NCAM1: variants seen among roughly 807,000 people sequenced by gnomAD.
NCAM1 encodes the protein neural cell adhesion molecule 1.
NCAM1 carries 14 observed loss-of-function variants against 109.8 expected under a neutral mutation model. That is an observed-to-expected ratio of 0.13 (90% CI 0.08 to 0.20). NCAM1 has a LOEUF of 0.20. Among genes scored for constraint, NCAM1 ranks in the 10% least tolerant of loss-of-function variants. NCAM1 has a pLI of 1.00. For missense variants in NCAM1, 774 were observed against 1,109.9 expected (o/e 0.70, Z 4.30); for synonymous variants, 418 against 442.9 (o/e 0.94, Z 0.70).
chr11:112,982,104 G>A (rs1436081625), intron 1 of NCAM1, among the ~76,000 whole-genome samples: 1 of 151,834 alleles, frequency 6.6e-6, no homozygotes, highest in Non-Finnish European at 1.5e-5. Context: ...TTTATGTGGT[G>A]GTTTTGTCCG....
intron 1 of NCAM1, among the ~76,000 whole-genome samples, chr11:112,995,571 T>G (rs1446673935): frequency 2.3e-4 from 35 of 152,350 alleles, no homozygotes; most frequent in Non-Finnish European, 2.9e-5. Flanking sequence ...TTGTAAGCTG[T>G]GCTATTTTGA....
intron 1 of NCAM1, among the ~76,000 whole-genome samples, chr11:113,058,720 A>T (rs1555082996): frequency 6.6e-6 from 1 of 152,078 alleles, no homozygotes; most frequent in Non-Finnish European, 1.5e-5. Flanking sequence ...TCGCTTGTCC[A>T]TTTCTGCTTC....
chr11:112,984,525 G>GC (rs1951242602), intron 1 of NCAM1, among the ~76,000 whole-genome samples: 1 of 151,722 alleles, frequency 6.6e-6, no homozygotes. Flanking sequence ...AGTGTACAAG[G>GC]GTTCCCATTT....
intron 1 of NCAM1, among the ~76,000 whole-genome samples, chr11:113,123,532 G>C (rs1033708487): frequency 2.0e-5 from 3 of 152,140 alleles, no homozygotes; most frequent in Non-Finnish European, 4.4e-5. Flanking sequence ...CGGAGATAGT[G>C]TCTCTCACAC....
At chr11:113,107,051 TGATGAA>T (rs1276463919) in intron 1 of NCAM1, among the ~76,000 whole-genome samples, 1 of 152,230 alleles carries the variant, frequency 6.6e-6, no homozygotes, top group Non-Finnish European at 1.5e-5. Context: ...GAATATTTAA[TGATGAA>T]GATGAGGATT....
intron 1 of NCAM1, among the ~76,000 whole-genome samples, chr11:113,116,639 C>T (rs563119411): frequency 2.6e-4 from 40 of 152,170 alleles, no homozygotes; most frequent in Non-Finnish European, 5.0e-4. Flanking sequence ...CATTAGTCTG[C>T]TCATTTCAAA....
At chr11:113,135,941 C>T (rs1941580741) in intron 1 of NCAM1, among the ~76,000 whole-genome samples, 1 of 152,176 alleles carries the variant, frequency 6.6e-6, no homozygotes, top group African/African-American at 2.4e-5. Context: ...GTTTCATTTA[C>T]TTTTACATTA....
intron 1 of NCAM1, chr11:113,003,864 A>C (rs1187688479): frequency 2.0e-5 from 3 of 152,154 alleles, no homozygotes; most frequent in Non-Finnish European, 4.4e-5. Context: ...TCTGTTCGTA[A>C]ATTTGTCCAC....
At chr11:113,166,004 C>CT (rs111542009) in intron 1 of NCAM1, among the ~76,000 whole-genome samples, 32,036 of 151,006 alleles carry the variant, frequency 0.21, 4,284 homozygotes, top group African/African-American at 0.37. Context: ...TTTATTTTTA[C>CT]TTATTTTTAG....
chr11:113,164,420 T>C (rs1555104916), intron 1 of NCAM1, among the ~76,000 whole-genome samples: 1 of 152,126 alleles, frequency 6.6e-6, no homozygotes, highest in Non-Finnish European at 1.5e-5. Flanking sequence ...TCCCACAGGC[T>C]AAAGGCTCAG....
chr11:113,147,719 C>T (rs958212494), intron 1 of NCAM1, among the ~76,000 whole-genome samples: 1 of 152,206 alleles, frequency 6.6e-6, no homozygotes, highest in Admixed American at 6.5e-5. Context: ...TATGGGGCAT[C>T]ACCTCAGTGC....
At chr11:113,195,186 T>TA (rs1943815605) in intron 1 of NCAM1, among the ~76,000 whole-genome samples, 1 of 152,220 alleles carries the variant, frequency 6.6e-6, no homozygotes, top group Admixed American at 6.5e-5. Flanking sequence ...TTAAACAGTC[T>TA]ACCTTATTTT....
chr11:113,205,470 G>T (rs1944209026), intron 3 of NCAM1, 53 bp from the exon 4 acceptor site: 3 of 1,574,804 alleles, frequency 1.9e-6, no homozygotes, highest in South Asian at 1.2e-5. Context: ...AGTGAAAGGG[G>T]TTCTTTGTGA....
intron 1 of NCAM1, among the ~76,000 whole-genome samples, chr11:113,135,786 C>T (rs1369118628): frequency 2.0e-5 from 3 of 152,088 alleles, no homozygotes; most frequent in South Asian, 2.1e-4. Context: ...GCTGAGAAAG[C>T]GAGGGCCAGC....
chr11:113,232,302 C>T lies in NCAM1; in HGVS notation c.1373C>T (p.Ser458Phe). ...WFRDGQLLPS[S>F]NYSNIKIYNT... ...CGGGATGGCCAGCTGCTGCCAAGCT[C>T]CAATTACAGCAATATCAAGATCTAC... The change falls in exon 11 of 20, where the codon TCC (serine) becomes TTC (phenylalanine). Residue 458 changes from serine (S) to phenylalanine (F), a missense_variant. By Grantham distance (155) the Ser-to-Phe change is radical. Coordinates refer to ENST00000316851, the MANE Select transcript of NCAM1 (RefSeq NM_181351.5). 6.2e-7 allele frequency: 1 copy of T among 1,613,626 alleles called. No individual in the cohort carries two copies. The highest frequency in any genetic ancestry group is 8.5e-7 in the Non-Finnish European group (1 of 1,179,792).
At chr11:113,067,972 G>A (rs948920450) in intron 1 of NCAM1, among the ~76,000 whole-genome samples, 1 of 149,516 alleles carries the variant, frequency 6.7e-6, no homozygotes, top group Non-Finnish European at 1.5e-5. Context: ...GTGCAGTGGC[G>A]CAATCTCGGC....
intron 1 of NCAM1, among the ~76,000 whole-genome samples, chr11:112,968,494 A>G (rs919035784): frequency 6.6e-6 from 1 of 152,218 alleles, no homozygotes; most frequent in Non-Finnish European, 1.5e-5. Context: ...GTTATGGTTT[A>G]CAAAACACTT....
rs1555125862 is a variant in NCAM1 at position 113,273,203 on chromosome 11, C to T, written c.2456+1327C>T. On this transcript the variant is annotated intron_variant, in intron 19 of 19. Coordinates refer to ENST00000316851, the MANE Select transcript of NCAM1 (RefSeq NM_181351.5). The surrounding 1 kb of genome is among the most constrained non-coding windows in gnomAD (Gnocchi z 6.0). ...CTTCAGCCCCCAAGGTCGCCCCCCT[C>T]GTTGACCTGAGCGACACCCCGACCT... 17 of 382,468 alleles carry T rather than the reference C, an allele frequency of 4.4e-5. No homozygotes were observed. Among genetic ancestry groups the T allele is most frequent in the South Asian group, 2.3e-4 (12 of 51,952 alleles). 23.7% of individuals were successfully genotyped at this position (382,468 alleles called of 1,614,324 possible). A position where few individuals can be genotyped will look rare whatever the true frequency, so the allele number is the denominator to read the frequency against.
chr11:113,130,495 G>A (rs1941345428), intron 1 of NCAM1, among the ~76,000 whole-genome samples: 1 of 152,200 alleles, frequency 6.6e-6, no homozygotes, highest in Admixed American at 6.5e-5. Flanking sequence ...AACTAGGATT[G>A]GGAGTGCCAA....
Sources: allele counts gnomAD v4.1 joint callset (sites outside exome capture counted in the v4.1 genomes callset), GRCh38; gene constraint gnomAD v4.1.1; non-coding constraint Gnocchi (gnomAD v3.1); transcripts MANE v1.5; gene names NCBI Gene and HGNC (gene_info 2026-07-23, HGNC 2026-07-21).